The following SLIT2 variants were observed in gnomAD, a reference collection of about 807,000 sequenced individuals.
SLIT2 encodes slit homolog 2 protein.
Under a neutral mutation model 185.7 loss-of-function variants are expected in SLIT2, and 41 were observed. The observed-to-expected ratio is 0.22, with a 90% confidence interval of 0.17 to 0.29. The LOEUF is 0.29. Ranked by LOEUF, SLIT2 falls within the 10% of genes least tolerant of loss-of-function variation. The probability of loss-of-function intolerance (pLI) is 1.00; values close to 1 mark genes in which losing one functional copy is unlikely to be tolerated. For synonymous variants in SLIT2, 693 were observed against 680.2 expected (o/e 1.02, Z -0.29); for missense variants, 1,571 against 1,909.0 (o/e 0.82, Z 3.30).
At chr4:20,293,834 G>A (rs1198206239) in intron 4 of SLIT2, among the ~76,000 whole-genome samples, 1 of 152,148 alleles carries the variant, frequency 6.6e-6, no homozygotes, top group East Asian at 1.9e-4. Flanking sequence ...AGCCTTCACT[G>A]TGGCTCAGGG....
At chr4:20,451,547 A>G (rs969959747) in intron 4 of SLIT2, among the ~76,000 whole-genome samples, 2 of 152,214 alleles carry the variant, frequency 1.3e-5, no homozygotes, top group African/African-American at 2.4e-5. Context: ...CATAACATAT[A>G]TGTTGGAGTT....
intron 5 of SLIT2, among the ~76,000 whole-genome samples, chr4:20,478,227 A>G (rs539801389): frequency 7.8e-4 from 119 of 152,306 alleles, no homozygotes; most frequent in Middle Eastern, 6.8e-3. Context: ...GCCCCTTCAT[A>G]TGAGTAACCT....
At chr4:20,501,903 C>T (rs1469642737) in intron 9 of SLIT2, among the ~76,000 whole-genome samples, 1 of 152,040 alleles carries the variant, frequency 6.6e-6, no homozygotes, top group Non-Finnish European at 1.5e-5. Flanking sequence ...CTTCATATAT[C>T]CACTATGTGC....
At chr4:20,563,071 C>A (rs1357923931) in intron 26 of SLIT2, among the ~76,000 whole-genome samples, 1 of 151,822 alleles carries the variant, frequency 6.6e-6, no homozygotes, top group African/African-American at 2.4e-5. Context: ...TTAATGGAAT[C>A]GAGGTCCAAC....
intron 4 of SLIT2, among the ~76,000 whole-genome samples, chr4:20,313,994 C>G (rs1448290854): frequency 6.6e-6 from 1 of 152,160 alleles, no homozygotes; most frequent in Non-Finnish European, 1.5e-5. Flanking sequence ...TTTTTCATCT[C>G]TTATGACTGC....
chr4:20,332,361 A>G (rs73234453), intron 4 of SLIT2, among the ~76,000 whole-genome samples: 11,086 of 152,202 alleles, frequency 0.073, 560 homozygotes, highest in Non-Finnish European at 0.11. Context: ...GAGCCAGTTG[A>G]TTTCCAAACC....
At chr4:20,570,390 A>T (rs1193179308) in intron 29 of SLIT2, among the ~76,000 whole-genome samples, 1 of 151,836 alleles carries the variant, frequency 6.6e-6, no homozygotes, top group Admixed American at 6.6e-5. Context: ...TGTAGCTTTG[A>T]TTTTCACACT....
Position 20,401,283 on chromosome 4 carries a change from T to C in SLIT2, c.396-66469T>C, listed in dbSNP as rs367779128. Among the ~76,000 whole-genome samples, 39 of 151,998 alleles carry C rather than the reference T, an allele frequency of 2.6e-4. 1 individual carries two copies. The South Asian group carries it at 8.1e-3, about 32-fold the overall frequency. On this transcript the variant is annotated intron_variant, in intron 4 of 36. Transcript: ENST00000504154. Reference sequence around the variant, plus strand: ...TCTCCATTCAGTTCTTGGGAAGAACTATAATTAATCATGTTGATCAGAGCT... The same window carrying C: ...TCTCCATTCAGTTCTTGGGAAGAACCATAATTAATCATGTTGATCAGAGCT...
At position 20,569,146 on chromosome 4, in the gene SLIT2, C is replaced by T. The variant is rs774395884; in HGVS notation, c.3088+142C>T. On this transcript the variant is annotated intron_variant, in intron 29 of 36. Coordinates refer to ENST00000504154, the MANE Select transcript of SLIT2 (RefSeq NM_004787.4). ...TGAAAATCAGATGTAATGTAAATAA[C>T]ATAAGGACTTAAAGATAGTTTCAGC... 6 of 727,630 alleles carry T rather than the reference C, an allele frequency of 8.2e-6. No individual in the cohort carries two copies. The South Asian group carries it at 8.3e-5, about 10-fold the overall frequency. 45.1% of individuals were successfully genotyped at this position (727,630 alleles called of 1,614,324 possible).
rs542777664 is a variant in SLIT2 at position 20,512,481 on chromosome 4, G to C, written c.1058+1344G>C. ...CACTTTTGCTTCTTTTTGACTTGGA[G>C]GGTTTTGACTAGAAGAAGCACGAGA... On this transcript the variant is annotated intron_variant, in intron 11 of 36. Transcript: ENST00000504154. 3.9e-5 allele frequency among the ~76,000 whole-genome samples: 6 copies of C among 152,218 alleles called. No individual in the cohort carries two copies. In the South Asian group the frequency reaches 1.2e-3, roughly 32 times the overall value.
intron 4 of SLIT2, among the ~76,000 whole-genome samples, chr4:20,400,178 A>G (rs1726229552): frequency 1.3e-5 from 2 of 151,806 alleles, no homozygotes; most frequent in Non-Finnish European, 1.5e-5. Flanking sequence ...TAATGAGCAT[A>G]TGTATAAATC....
intron 29 of SLIT2, among the ~76,000 whole-genome samples, chr4:20,574,091 A>C: frequency 6.6e-6 from 1 of 151,780 alleles, no homozygotes; most frequent in East Asian, 1.9e-4. Context: ...AGTAGCTGGG[A>C]CTACAGGTGT....
chr4:20,452,998 G>A (rs1245671128), intron 4 of SLIT2, among the ~76,000 whole-genome samples: 1 of 152,160 alleles, frequency 6.6e-6, no homozygotes, highest in East Asian at 1.9e-4. Flanking sequence ...ATACAGTTCA[G>A]AAATTATGAT....
chr4:20,306,432 T>A (rs1717553091), intron 4 of SLIT2, among the ~76,000 whole-genome samples: 1 of 152,186 alleles, frequency 6.6e-6, no homozygotes, highest in African/African-American at 2.4e-5. Flanking sequence ...TGTGCCCCTA[T>A]GCATAATATA....
At chr4:20,344,876 G>A (rs1331915800) in intron 4 of SLIT2, among the ~76,000 whole-genome samples, 1 of 152,034 alleles carries the variant, frequency 6.6e-6, no homozygotes, top group Non-Finnish European at 1.5e-5. Flanking sequence ...GTTTAAATAT[G>A]AAAGATATTT....
chr4:20,356,131 T>C (rs1722304959), intron 4 of SLIT2, among the ~76,000 whole-genome samples: 1 of 152,160 alleles, frequency 6.6e-6, no homozygotes, highest in African/African-American at 2.4e-5. Context: ...TTCAGTAACT[T>C]GAAGTTATTA....
At chr4:20,283,030 T>C (rs922261234) in intron 4 of SLIT2, among the ~76,000 whole-genome samples, 4 of 152,162 alleles carry the variant, frequency 2.6e-5, no homozygotes, top group African/African-American at 9.6e-5. Flanking sequence ...ACTTAGAATA[T>C]TTTCTAACAA....
At chr4:20,476,283 C>A (rs1457287960) in intron 5 of SLIT2, among the ~76,000 whole-genome samples, 5 of 152,074 alleles carry the variant, frequency 3.3e-5, no homozygotes, top group South Asian at 4.2e-4. Flanking sequence ...ATATGTACAG[C>A]TTTTTTATTC....
At chr4:20,374,082 A>G (rs1723812128) in intron 4 of SLIT2, among the ~76,000 whole-genome samples, 1 of 152,094 alleles carries the variant, frequency 6.6e-6, no homozygotes. Flanking sequence ...ATTGTGAGTC[A>G]TTAGCATCAC....
Sources: allele counts gnomAD v4.1 joint callset (sites outside exome capture counted in the v4.1 genomes callset), GRCh38; gene constraint gnomAD v4.1.1; transcripts MANE v1.5; gene names NCBI Gene and HGNC (gene_info 2026-07-23, HGNC 2026-07-21).